The following TRPM1 variants were observed in gnomAD, a reference collection of about 807,000 sequenced individuals.
The protein encoded by TRPM1 is transient receptor potential cation channel subfamily M member 1.
In TRPM1, 113 loss-of-function variants were observed where a neutral mutation model predicts 149.4. The ratio of observed to expected loss-of-function variants is 0.76; its 90% confidence interval spans 0.65 to 0.88. TRPM1 has a LOEUF of 0.88. Among genes scored for constraint, TRPM1 ranks in the 40% least tolerant of loss-of-function variants. The probability of loss-of-function intolerance (pLI) is 0.00; values close to 1 mark genes in which losing one functional copy is unlikely to be tolerated. For missense variants in TRPM1, 1,976 were observed against 2,038.7 expected (o/e 0.97, Z 0.59); for synonymous variants, 741 against 759.5 (o/e 0.98, Z 0.40).
intron 22 of TRPM1, 84 bp downstream of exon 22, chr15:31,032,605 G>A: frequency 6.5e-7 from 1 of 1,542,146 alleles, no homozygotes; most frequent in Non-Finnish European, 9.0e-7. Flanking sequence ...AAATGAAATT[G>A]AAGGAAGCCA....
At chr15:31,085,313 G>A (rs2034970363) in intron 1 of TRPM1, among the ~76,000 whole-genome samples, 1 of 152,102 alleles carries the variant, frequency 6.6e-6, no homozygotes, top group Non-Finnish European at 1.5e-5. Flanking sequence ...ATTTTCCAAT[G>A]GCACTGCTGG....
At chr15:31,081,076 A>T (rs2140983476) in intron 2 of TRPM1, among the ~76,000 whole-genome samples, 1 of 151,958 alleles carries the variant, frequency 6.6e-6, no homozygotes, top group South Asian at 2.1e-4. Flanking sequence ...TTATCGTGCC[A>T]ATGAAGGTCA....
intron 27 of TRPM1, among the ~76,000 whole-genome samples, chr15:31,013,057 T>G (rs1306194986): frequency 2.6e-5 from 4 of 150,990 alleles, no homozygotes; most frequent in Non-Finnish European, 5.9e-5. Flanking sequence ...CACAGCTCAC[T>G]GCAGCCTTGA....
intron 1 of TRPM1, among the ~76,000 whole-genome samples, chr15:31,094,476 G>A (rs1016918640): frequency 6.6e-6 from 1 of 151,972 alleles, no homozygotes; most frequent in African/African-American, 2.4e-5. Flanking sequence ...ATATGACAAG[G>A]GTCTAATATC....
At chr15:31,084,668 T>C (rs2034949239) in intron 1 of TRPM1, among the ~76,000 whole-genome samples, 1 of 144,610 alleles carries the variant, frequency 6.9e-6, no homozygotes, top group African/African-American at 2.6e-5. Flanking sequence ...TTCTTTCTTT[T>C]TTCTTTTCTT....
chr15:31,082,353 CT>C (rs1350164152), intron 1 of TRPM1, among the ~76,000 whole-genome samples: 6 of 152,166 alleles, frequency 3.9e-5, no homozygotes, highest in Admixed American at 2.0e-4. Flanking sequence ...TCTACCCCGG[CT>C]GAGTGAAGGG....
chr15:31,112,097 G>A (rs1006109912), intron 1 of TRPM1, among the ~76,000 whole-genome samples: 1 of 152,238 alleles, frequency 6.6e-6, no homozygotes, highest in Non-Finnish European at 1.5e-5. Context: ...AGCATACAGA[G>A]CTTGGGTAGG....
intron 11 of TRPM1, among the ~76,000 whole-genome samples, chr15:31,054,486 G>A (rs758527793): frequency 1.3e-5 from 2 of 151,976 alleles, no homozygotes; most frequent in Non-Finnish European, 2.9e-5. Flanking sequence ...GTAGAGACGG[G>A]GTTTCACCAT....
chr15:31,079,292 G>A (rs2034794115), intron 2 of TRPM1, among the ~76,000 whole-genome samples: 1 of 152,238 alleles, frequency 6.6e-6, no homozygotes, highest in Admixed American at 6.5e-5. Flanking sequence ...TGGACCAGGA[G>A]TTGAATGTGG....
chr15:31,117,986 C>T (rs568105450), intron 1 of TRPM1, among the ~76,000 whole-genome samples: 4 of 152,240 alleles, frequency 2.6e-5, no homozygotes, highest in African/African-American at 7.2e-5. Flanking sequence ...TCAGGCTGGG[C>T]GCAGTGGCTC....
At chr15:31,022,584 T>C (rs532260627) in intron 27 of TRPM1, among the ~76,000 whole-genome samples, 2 of 152,386 alleles carry the variant, frequency 1.3e-5, no homozygotes, top group East Asian at 3.9e-4. Flanking sequence ...CTTGTTATCC[T>C]TCCTGTGGCA....
At chr15:31,089,533 G>A (rs79856149) in intron 1 of TRPM1, among the ~76,000 whole-genome samples, 6,446 of 152,316 alleles carry the variant, frequency 0.042, 165 homozygotes, top group Non-Finnish European at 0.062. Context: ...ACATTCCCGG[G>A]CAGCGGTGGA....
At chr15:31,084,497 G>A (rs1405052765) in intron 1 of TRPM1, among the ~76,000 whole-genome samples, 2 of 152,030 alleles carry the variant, frequency 1.3e-5, no homozygotes, top group Non-Finnish European at 2.9e-5. Flanking sequence ...TTTGCTCGGC[G>A]TCATGTTTTC....
At chr15:31,088,913 TCTGGTGGCAGAATTGCGTGG>T (rs2035114604) in intron 1 of TRPM1, among the ~76,000 whole-genome samples, 1 of 152,040 alleles carries the variant, frequency 6.6e-6, no homozygotes, top group African/African-American at 2.4e-5. Flanking sequence ...CTACCAGAAG[TCTGGTGGCAGAATTGCGTGG>T]AAGCTGCTGG....
At chr15:31,101,510 C>CTACCTGCACCTGAGGT (rs1406431267) in intron 1 of TRPM1, 147 bp downstream of exon 1, 1 of 309,838 alleles carries the variant, frequency 3.2e-6, no homozygotes, top group Non-Finnish European at 4.7e-6. Context: ...GCACCTGAGC[C>CTACCTGCACCTGAGGT]TACCTGCACC....
At chr15:31,149,754 T>C (rs6493490) in intron 1 of TRPM1, among the ~76,000 whole-genome samples, 70,515 of 151,314 alleles carry the variant, frequency 0.47, 16,775 homozygotes, top group Admixed American at 0.55. Context: ...CTCCTGACCT[T>C]GTGATCCGCC....
chr15:31,046,863 G>A (rs971125713), intron 15 of TRPM1, among the ~76,000 whole-genome samples: 1 of 152,182 alleles, frequency 6.6e-6, no homozygotes, highest in Non-Finnish European at 1.5e-5. Context: ...CAGTAGCCCC[G>A]GAGCCCAGGA....
intron 1 of TRPM1, among the ~76,000 whole-genome samples, chr15:31,126,744 A>T (rs949363826): frequency 2.0e-5 from 3 of 152,192 alleles, no homozygotes; most frequent in African/African-American, 7.2e-5. Context: ...CAGACAGATC[A>T]CTTGAAGTTA....
chr15:31,103,143 C>T (rs28441327), upstream of TRPM1, among the ~76,000 whole-genome samples: 36,747 of 152,134 alleles, frequency 0.24, 4,993 homozygotes, highest in African/African-American at 0.34. Flanking sequence ...CCAGCCCGAC[C>T]GGCTGCCAGT....
Sources: allele counts gnomAD v4.1 joint callset (sites outside exome capture counted in the v4.1 genomes callset), GRCh38; gene constraint gnomAD v4.1.1; transcripts MANE v1.5; gene names NCBI Gene and HGNC (gene_info 2026-07-23, HGNC 2026-07-21).